Variants in HELZ2 observed in about 807,000 individuals in gnomAD.
HELZ2 encodes helicase with zinc finger 2, also known as 3'-5' exoribonuclease HELZ2.
Under a neutral mutation model 208.8 loss-of-function variants are expected in HELZ2, and 143 were observed. The ratio of observed to expected loss-of-function variants is 0.68; its 90% confidence interval spans 0.60 to 0.79. The LOEUF is 0.79. Among genes scored for constraint, HELZ2 ranks in the 30% least tolerant of loss-of-function variants. The pLI is 0.00. For missense variants in HELZ2, 3,690 were observed against 3,794.5 expected, an observed-to-expected ratio of 0.97 and a Z score of 0.72; for synonymous variants, 1,705 against 1,693.7, an observed-to-expected ratio of 1.01 and a Z score of -0.16.
At chr20:63,566,206 G>A (rs998094772) in exon 8 of HELZ2, 14 of 1,501,274 alleles carry the variant, frequency 9.3e-6, no homozygotes, top group Non-Finnish European at 1.2e-5. Context: ...GCACAGTGCT[G>A]AGCACCACGA....
At chr20:63,563,592 C>T (rs753723249) in exon 8 of HELZ2, 12 of 1,531,956 alleles carry the variant, frequency 7.8e-6, no homozygotes, top group African/African-American at 5.5e-5. Flanking sequence ...ACGTCCACCA[C>T]GAAGCCCAGC....
intron 5 of HELZ2, 82 bp from the exon 7 acceptor site, chr20:63,567,709 G>C: frequency 6.7e-7 from 1 of 1,502,424 alleles, no homozygotes; most frequent in South Asian, 1.3e-5. Context: ...GTGCCCAGCC[G>C]AGCTGCCCCT....
exon 5 of HELZ2, chr20:63,568,618 C>T (rs1233179718): frequency 9.4e-6 from 15 of 1,601,592 alleles, no homozygotes; most frequent in Non-Finnish European, 1.1e-5. Context: ...CCAGCTGCTC[C>T]TCAGGCAGTG....
chr20:63,559,814 T>A (rs1216519558), intron 18 of HELZ2, 114 bp downstream of exon 19: 1 of 975,288 alleles, frequency 1.0e-6, no homozygotes, highest in African/African-American at 1.7e-5. Flanking sequence ...CAGGGTCAGG[T>A]GGGAGGAGTC....
In HELZ2 at chr20:63,565,378, G is replaced by A. The variant is rs528067940; in HGVS notation, c.3444C>T (p.Asp1148=). The A allele has an allele frequency of 1.1e-5, 17 of 1,608,682 alleles. No individual in the cohort carries two copies. In the East Asian group the frequency reaches 1.1e-4, roughly 11 times the overall value. ...CCTGGATGGGGCCCGAGGAGGCATCGTCCAGCGGGATGGCTGACGCCCGCT... is the reference window on the plus strand; with the variant it reads ...CCTGGATGGGGCCCGAGGAGGCATCATCCAGCGGGATGGCTGACGCCCGCT... Residue 1148 remains aspartate (D), a synonymous_variant, in exon 8 of 19, where the codon GAC becomes GAT. Coordinates refer to ENST00000467148, the Ensembl canonical transcript of HELZ2.
chr20:63,570,911 CGCCGTGCTGAGTTCAAAG>C, intron 1 of HELZ2, 43 bp from the exon 3 acceptor site: 1 of 1,507,970 alleles, frequency 6.6e-7, no homozygotes. Context: ...GAGGCACAGC[CGCCGTGCTGAGTTCAAAG>C]GCCGGGACCC....
At chr20:63,561,574 C>T (rs751764021) in intron 12 of HELZ2, 27 bp downstream of exon 13, 1 of 1,587,414 alleles carries the variant, frequency 6.3e-7, no homozygotes, top group Admixed American at 1.7e-5. Context: ...CCCCACTCCG[C>T]CCAAGCCCCA....
exon 19 of HELZ2, chr20:63,559,363 G>A: frequency 1.3e-6 from 2 of 1,595,584 alleles, no homozygotes; most frequent in South Asian, 1.1e-5. Context: ...GCAGAAGGAG[G>A]TGGTCTCCTG....
exon 4 of HELZ2, chr20:63,569,501 C>T (rs145731318): frequency 1.6e-5 from 25 of 1,611,324 alleles, no homozygotes; most frequent in East Asian, 4.5e-5. Flanking sequence ...AGGTGCCGAA[C>T]GAGGCAGCCT....
chr20:63,572,897 C>A (rs923227392), upstream of HELZ2: 1 of 154,670 alleles, frequency 6.5e-6, no homozygotes, highest in African/African-American at 2.4e-5. Context: ...GGGCCGGCAG[C>A]CCACCACGCG....
exon 8 of HELZ2, chr20:63,565,596 G>A (rs755581416): frequency 2.1e-5 from 34 of 1,609,678 alleles, no homozygotes; most frequent in East Asian, 4.5e-5. Flanking sequence ...AGAAGCTCCC[G>A]TAGGATGGCG....
At position 63,562,110 on chromosome 20, in the gene HELZ2, G is replaced by A. The variant is rs764853655; in HGVS notation, c.6491C>T (p.Ala2164Val). The A allele has an allele frequency of 5.0e-6, 8 of 1,612,444 alleles. No homozygotes were observed. Among genetic ancestry groups the A allele is most frequent in the Non-Finnish European group, 6.8e-6 (8 of 1,179,894 alleles). ...AATGACCGTGAAAGGCTTCTCCAGA[G>A]CCTCCCTGACCGCCACGTTCTGGCT... Residue 2164 changes from alanine to valine, a missense_variant, in exon 10 of 19, where the codon GCT (alanine) becomes GTT (valine). Physicochemically the swap from Ala to Val is moderately conservative, Grantham distance 64. Coordinates refer to ENST00000467148, the Ensembl canonical transcript of HELZ2.
Position 63,562,206 on chromosome 20 carries a change from G to A in HELZ2, c.6398-3C>T. The A allele has an allele frequency of 6.2e-7, 1 of 1,611,926 alleles. No homozygotes were observed. On this transcript the variant is annotated splice_region_variant and splice_polypyrimidine_tract_variant and intron_variant, in intron 9 of 18. Transcript: ENST00000467148. Reference sequence around the variant, plus strand: ...CTCCAGGAACCTGCTGGGGATCACTGAGAGGGGGCAGCCTCCCTGAGCACT... The same window carrying A: ...CTCCAGGAACCTGCTGGGGATCACTAAGAGGGGGCAGCCTCCCTGAGCACT...
At chr20:63,567,279 C>T (rs370601498) in exon 6 of HELZ2, 200 of 1,609,598 alleles carry the variant, frequency 1.2e-4, no homozygotes, top group African/African-American at 2.0e-4. Flanking sequence ...TGTGGTCGCC[C>T]GCCAGCACGA....
chr20:63,560,691 C>T, exon 16 of HELZ2: 1 of 1,608,318 alleles, frequency 6.2e-7, no homozygotes, highest in Non-Finnish European at 8.5e-7. Context: ...GCACAGATGC[C>T]CTCATGCTGC....
rs200473388 is a variant in HELZ2, at chr20:63,568,664, G to A, written c.1424C>T (p.Pro475Leu). The change falls in exon 5 of 19, where the codon CCG becomes CTG. Residue 475 changes from proline (P) to leucine (L), a missense_variant. Pro to Leu is a moderately conservative substitution (Grantham distance 98). This residue lies in a region of HELZ2 where 1,119 missense variants were observed against 1,193.4 expected (regional missense o/e 0.94). Transcript: ENST00000467148. ...CTGGTGCCAGAGGCGGAAGGTCATC[G>A]GGTCAATCTGGAACTGCACCTCCAG... 2.7e-4 allele frequency: 426 copies of A among 1,605,318 alleles called. 5 individuals are homozygous for A. The East Asian group carries it at 5.8e-3, about 22-fold the overall frequency.
intron 8 of HELZ2, 40 bp downstream of exon 9, chr20:63,562,480 C>G (rs112471380): frequency 1.3e-6 from 2 of 1,532,008 alleles, no homozygotes; most frequent in East Asian, 2.4e-5. Flanking sequence ...GGGCCCGGGG[C>G]GGTCCCCCAG....
At chr20:63,567,121 G>A (rs746069661) in exon 6 of HELZ2, 7 of 1,611,496 alleles carry the variant, frequency 4.3e-6, no homozygotes, top group South Asian at 2.2e-5. Flanking sequence ...AATGGCGTCC[G>A]TGCAGCGGTA....
exon 4 of HELZ2, chr20:63,569,507 A>C (rs1757752): frequency 1.1e-5 from 18 of 1,609,976 alleles, no homozygotes; most frequent in Non-Finnish European, 1.3e-5. Context: ...CGAACGAGGC[A>C]GCCTGCACAC....
Sources: gnomAD v4.1 joint callset for allele counts on GRCh38, gnomAD v4.1.1 for gene constraint, gnomAD v4.1.1 regional missense constraint, MANE v1.5 for transcripts, NCBI Gene and HGNC (gene_info 2026-07-23, HGNC 2026-07-21) for gene names.